Variants in DLGAP2 observed in about 807,000 individuals in gnomAD.
DLGAP2 encodes the protein DLG associated protein 2.
Under a neutral mutation model 100.3 loss-of-function variants are expected in DLGAP2, and 26 were observed. The ratio of observed to expected loss-of-function variants is 0.26; its 90% CI spans 0.19 to 0.36. DLGAP2 has a LOEUF of 0.36. Ranked by LOEUF, DLGAP2 falls within the 10% of genes least tolerant of loss-of-function variation. The pLI is 1.00. For missense variants in DLGAP2, 1,858 were observed against 1,453.2 expected (o/e 1.28, Z -4.53); for synonymous variants, 886 against 630.1 (o/e 1.41, Z -6.08).
chr8:1,698,514 A>C (rs1213356110), intron 14 of DLGAP2, among the ~76,000 whole-genome samples: 4 of 140,066 alleles, frequency 2.9e-5, no homozygotes, highest in African/African-American at 8.8e-5. Context: ...TAAGCCACAC[A>C]TGGGACAGGT....
At chr8:1,303,644 C>T (rs551711883) in intron 3 of DLGAP2, among the ~76,000 whole-genome samples, 2 of 152,282 alleles carry the variant, frequency 1.3e-5, no homozygotes, top group African/African-American at 4.8e-5. Context: ...TCTGAACACA[C>T]TCCTAACTCC....
chr8:793,490 A>C (rs1795964045), intron 1 of DLGAP2, among the ~76,000 whole-genome samples: 1 of 152,098 alleles, frequency 6.6e-6, no homozygotes. Flanking sequence ...GCTTCCCCGC[A>C]CCACGCTGCT....
chr8:1,559,415 C>T (rs1802082893), intron 5 of DLGAP2, among the ~76,000 whole-genome samples: 1 of 152,082 alleles, frequency 6.6e-6, no homozygotes, highest in African/African-American at 2.4e-5. Flanking sequence ...TAGTATTGCT[C>T]TTCTGTTCTT....
intron 2 of DLGAP2, among the ~76,000 whole-genome samples, chr8:1,041,944 T>G (rs1227796576): frequency 1.3e-5 from 2 of 152,218 alleles, no homozygotes; most frequent in Non-Finnish European, 2.9e-5. Flanking sequence ...AGCTCTCTCT[T>G]TCTCCCCGGC....
intron 1 of DLGAP2, among the ~76,000 whole-genome samples, chr8:782,452 T>C (rs924790639): frequency 6.6e-6 from 1 of 152,228 alleles, no homozygotes; most frequent in Non-Finnish European, 1.5e-5. Context: ...TAATGTTAGA[T>C]ATTCCATGCC....
At chr8:999,279 C>G (rs1001759424) in intron 2 of DLGAP2, among the ~76,000 whole-genome samples, 11 of 151,816 alleles carry the variant, frequency 7.2e-5, no homozygotes, top group African/African-American at 2.4e-4. Context: ...TGCTGCTTCT[C>G]TGGCTGTGCC....
intron 1 of DLGAP2, among the ~76,000 whole-genome samples, chr8:870,481 C>G (rs1797576862): frequency 6.6e-6 from 1 of 152,124 alleles, no homozygotes; most frequent in Admixed American, 6.6e-5. Context: ...CTGGAGAATT[C>G]AAATTTCCTG....
At chr8:1,683,350 G>A (rs962622093) in intron 12 of DLGAP2, among the ~76,000 whole-genome samples, 1 of 151,464 alleles carries the variant, frequency 6.6e-6, no homozygotes, top group African/African-American at 2.4e-5. Flanking sequence ...CTGGGGAACA[G>A]AGGCCCCTTT....
At chr8:777,210 T>G (rs1164802642) in intron 1 of DLGAP2, among the ~76,000 whole-genome samples, 22 of 152,052 alleles carry the variant, frequency 1.4e-4, no homozygotes, top group African/African-American at 5.3e-4. Flanking sequence ...TTGGTAGATC[T>G]TCCTCCATCC....
intron 3 of DLGAP2, among the ~76,000 whole-genome samples, chr8:1,356,701 A>G (rs1469592043): frequency 6.6e-6 from 1 of 152,258 alleles, no homozygotes; most frequent in Non-Finnish European, 1.5e-5. Flanking sequence ...ATCATTCGCC[A>G]CAATGTAACC....
intron 2 of DLGAP2, among the ~76,000 whole-genome samples, chr8:942,882 G>A (rs1240828945): frequency 1.3e-5 from 2 of 152,224 alleles, no homozygotes; most frequent in African/African-American, 4.8e-5. Context: ...AGACAGTGCA[G>A]GCTCCCAAAA....
At chr8:1,451,014 C>T (rs1273746175) in intron 3 of DLGAP2, among the ~76,000 whole-genome samples, 1 of 152,108 alleles carries the variant, frequency 6.6e-6, no homozygotes, top group African/African-American at 2.4e-5. Flanking sequence ...TCACCGAATT[C>T]CAGGGCATCA....
intron 2 of DLGAP2, among the ~76,000 whole-genome samples, chr8:1,008,292 A>G (rs571133815): frequency 6.6e-6 from 1 of 152,382 alleles, no homozygotes; most frequent in Admixed American, 6.5e-5. Flanking sequence ...TCTATGAAGA[A>G]GTTAAAACAT....
chr8:970,129 T>A (rs1799977534), intron 2 of DLGAP2, among the ~76,000 whole-genome samples: 1 of 152,140 alleles, frequency 6.6e-6, no homozygotes, highest in Non-Finnish European at 1.5e-5. Context: ...CCGGCATTCA[T>A]TTTGGAGCTG....
At chr8:1,189,677 C>G (rs1008824141) in intron 2 of DLGAP2, among the ~76,000 whole-genome samples, 1 of 152,204 alleles carries the variant, frequency 6.6e-6, no homozygotes, top group African/African-American at 2.4e-5. Flanking sequence ...ATGACAGGGC[C>G]GAGTTTTCCC....
chr8:973,298 G>A (rs1388182367), intron 2 of DLGAP2, among the ~76,000 whole-genome samples: 1 of 148,736 alleles, frequency 6.7e-6, no homozygotes. Context: ...GGCGGGGGCT[G>A]TCCCCCCACC....
chr8:1,063,028 C>T (rs923254486), intron 2 of DLGAP2, among the ~76,000 whole-genome samples: 2 of 152,124 alleles, frequency 1.3e-5, no homozygotes, highest in African/African-American at 4.8e-5. Flanking sequence ...GCTATTAAGA[C>T]CTGTGTTTTT....
At chr8:1,021,618 A>G (rs1018892929) in intron 2 of DLGAP2, among the ~76,000 whole-genome samples, 1 of 152,152 alleles carries the variant, frequency 6.6e-6, no homozygotes, top group South Asian at 2.1e-4. Flanking sequence ...GAGGTCAGAG[A>G]CCACAGATAA....
At chr8:1,264,426 A>G (rs1427829205) in intron 3 of DLGAP2, among the ~76,000 whole-genome samples, 1 of 152,210 alleles carries the variant, frequency 6.6e-6, no homozygotes, top group Non-Finnish European at 1.5e-5. Context: ...GAAAGTGTGG[A>G]GGAAGCTCAT....
Sources: gnomAD v4.1 joint callset for allele counts (sites outside exome capture counted in the v4.1 genomes callset) on GRCh38, gnomAD v4.1.1 for gene constraint, MANE v1.5 for transcripts, NCBI Gene and HGNC (gene_info 2026-07-23, HGNC 2026-07-21) for gene names.